The following DYRK1A variants were observed in gnomAD, a reference collection of about 807,000 sequenced individuals.
DYRK1A encodes dual specificity tyrosine-phosphorylation-regulated kinase 1A.
DYRK1A carries 9 observed loss-of-function variants against 79.7 expected under a neutral mutation model. The ratio of observed to expected loss-of-function variants is 0.11; its 90% CI spans 0.07 to 0.20. The LOEUF is 0.20. Ranked by LOEUF, DYRK1A falls within the 10% of genes least tolerant of loss-of-function variation. DYRK1A has a pLI of 1.00. For missense variants in DYRK1A, 622 were observed against 956.0 expected (o/e 0.65, Z 4.61); for synonymous variants, 349 against 329.7 (o/e 1.06, Z -0.63).
chr21:37,376,021 AACAGAATG>A (rs1477232347), intron 1 of DYRK1A, among the ~76,000 whole-genome samples: 3 of 151,976 alleles, frequency 2.0e-5, no homozygotes, highest in Non-Finnish European at 4.4e-5. Flanking sequence ...GGAGATGAAG[AACAGAATG>A]ACAGAATGGC....
rs200246405 is a variant in DYRK1A, at chr21:37,480,667, C to T, written c.330C>T (p.His110=). ...EVYYAKKKRR[H]QQGQGDDSSH... is the part of the protein sequence containing the mutation. ...ACTATGCAAAAAAGAAGCGAAGACA[C>T]CAACAGGGCCAGGGAGACGATTCTA... is the stretch of plus-strand genomic sequence containing the variant. The change falls in exon 5 of 12, where the codon CAC becomes CAT. Residue 110 remains histidine (H), a synonymous_variant. Coordinates refer to ENST00000647188, the MANE Select transcript of DYRK1A (RefSeq NM_001347721.2). 24 of 1,596,864 alleles carry T rather than the reference C, an allele frequency of 1.5e-5. No homozygotes were observed. In the East Asian group the frequency reaches 4.0e-4, roughly 27 times the overall value.
chr21:37,387,667 A>G (rs2049786868), intron 1 of DYRK1A, among the ~76,000 whole-genome samples: 2 of 152,126 alleles, frequency 1.3e-5, no homozygotes, highest in Admixed American at 6.6e-5. Flanking sequence ...CTTTCTGGCC[A>G]TTATCGTTTC....
chr21:37,501,165 G>GTTTTTTTTTTTTT (rs2053433220), intron 9 of DYRK1A, among the ~76,000 whole-genome samples: 1 of 112,970 alleles, frequency 8.9e-6, no homozygotes, highest in African/African-American at 3.8e-5. Context: ...TGTTGTTGTT[G>GTTTTTTTTTTTTT]GTTTTTTTTT....
Position 37,517,519 on chromosome 21 carries a change from T to A in DYRK1A, c.*4988T>A, listed in dbSNP as rs796841664. The A allele has an allele frequency of 6.6e-5, 10 of 152,332 alleles. No homozygotes were observed. The highest frequency in any genetic ancestry group is 2.4e-4 in the African/African-American group (10 of 41,554). The allele number at this position is 152,332 out of a possible 1,614,324, so 9.4% of individuals were successfully genotyped here. ...TTATATACTCATTCATTAGTCAGTG[T>A]ACTTGCCCCTGAATTCCATATCTGA... On this transcript the variant is annotated 3_prime_UTR_variant, in exon 12 of 12. Coordinates refer to ENST00000647188, the MANE Select transcript of DYRK1A (RefSeq NM_001347721.2).
Position 37,517,449 on chromosome 21 carries a change from T to A in DYRK1A, c.*4918T>A, listed in dbSNP as rs2053892477. 1 of 152,236 alleles carries A rather than the reference T, an allele frequency of 6.6e-6. No individual in the cohort carries two copies. 9.4% of individuals were successfully genotyped at this position (152,236 alleles called of 1,614,324 possible). ...TTCCCGATTAAATTTCTAAAATTGCTACTTTGGGAATTTTTTTCTTTATTC... is the reference window on the plus strand; with the variant it reads ...TTCCCGATTAAATTTCTAAAATTGCAACTTTGGGAATTTTTTTCTTTATTC... On this transcript the variant is annotated 3_prime_UTR_variant, in exon 12 of 12. Transcript: ENST00000647188.
chr21:37,423,385 C>G (rs1202291552), intron 2 of DYRK1A, among the ~76,000 whole-genome samples: 1 of 152,086 alleles, frequency 6.6e-6, no homozygotes, highest in Non-Finnish European at 1.5e-5. Context: ...TTTGGGGAAC[C>G]TAGCAACCAC....
intron 2 of DYRK1A, among the ~76,000 whole-genome samples, chr21:37,427,595 G>GTT (rs1368935554): frequency 6.6e-6 from 1 of 152,086 alleles, no homozygotes; most frequent in Non-Finnish European, 1.5e-5. Context: ...CTATTATCGT[G>GTT]TTTTTTGTTT....
At chr21:37,382,935 T>G (rs1030396449) in intron 1 of DYRK1A, among the ~76,000 whole-genome samples, 4 of 152,218 alleles carry the variant, frequency 2.6e-5, no homozygotes, top group Admixed American at 6.5e-5. Context: ...CTTGTGTTAT[T>G]GGTTCATTAG....
In DYRK1A at chr21:37,512,371, A is replaced by G; in HGVS notation, c.2105A>G (p.Glu702Gly). The G allele has an allele frequency of 6.2e-7, 1 of 1,614,214 alleles. No individual in the cohort carries two copies. Among genetic ancestry groups the G allele is most frequent in the Non-Finnish European group, 8.5e-7 (1 of 1,180,034 alleles). ...NLTVYSNPRQ[E>G]TGIAGHPTYQ... ...ACCGTCTACTCCAATCCCCGCCAAG[A>G]GACTGGCATAGCTGGACATCCAACA... The change falls in exon 12 of 12, where the codon GAG becomes GGG. Residue 702 changes from glutamate to glycine, a missense_variant. By Grantham distance (98) the Glu-to-Gly change is moderately conservative. Around this residue, in one of 5 missense-constraint regions of DYRK1A, gnomAD observed 292 missense variants for 316.7 expected, o/e 0.92. Transcript: ENST00000647188.
At chr21:37,401,529 C>T (rs1247640615) in intron 1 of DYRK1A, among the ~76,000 whole-genome samples, 1 of 147,748 alleles carries the variant, frequency 6.8e-6, no homozygotes, top group Non-Finnish European at 1.5e-5. Context: ...GTTGCCCAGG[C>T]TGGAGTGCAA....
intron 9 of DYRK1A, among the ~76,000 whole-genome samples, chr21:37,496,742 A>C (rs1228920335): frequency 6.6e-6 from 1 of 152,160 alleles, no homozygotes; most frequent in Non-Finnish European, 1.5e-5. Context: ...AACTGACTAG[A>C]TGGTCCTTTG....
chr21:37,417,529 C>CTTTTTCTTTTTTTTTTTTTT (rs1555959239), intron 1 of DYRK1A, among the ~76,000 whole-genome samples: 3 of 44,046 alleles, frequency 6.8e-5, no homozygotes, highest in Admixed American at 3.2e-4. Context: ...TTTTCTTTTT[C>CTTTTTCTTTTTTTTTTTTTT]TTTTTTTTTT....
At position 37,511,905 on chromosome 21, in the gene DYRK1A, T is replaced by G; in HGVS notation, c.1645-6T>G. On this transcript the variant is annotated splice_region_variant and splice_polypyrimidine_tract_variant and intron_variant, in intron 11 of 11. Transcript: ENST00000647188. ...GAAAAATCCTTTTAAAAATCTGTTC[T>G]TTCAGGTGCGTCAGCAATTTCCTGC... is the stretch of plus-strand genomic sequence containing the variant. 1.2e-6 allele frequency: 2 copies of G among 1,608,448 alleles called. No homozygotes were observed. Among genetic ancestry groups the G allele is most frequent in the Non-Finnish European group, 1.7e-6 (2 of 1,175,602 alleles).
intron 1 of DYRK1A, among the ~76,000 whole-genome samples, chr21:37,416,181 T>C (rs1270325256): frequency 6.6e-6 from 1 of 152,156 alleles, no homozygotes; most frequent in African/African-American, 2.4e-5. Context: ...AGGTCAAATG[T>C]GTCAACGTCT....
chr21:37,416,976 TTCATCTGCTACTTGTA>T lies in DYRK1A; in HGVS notation c.-76-3322_-76-3307del, dbSNP rs1381114759. ...GCTCCTTGTATCATACTGATTTTTTTTCATCTGCTACTTGTAATACTTCATACTACTTTAGTTATTT... is the reference window on the plus strand; with the variant it reads ...GCTCCTTGTATCATACTGATTTTTTTATACTTCATACTACTTTAGTTATTT... On this transcript the variant is annotated intron_variant, in intron 1 of 11. Coordinates refer to ENST00000647188, the MANE Select transcript of DYRK1A (RefSeq NM_001347721.2). Among the ~76,000 whole-genome samples, 8 of 152,350 alleles carry T rather than the reference TTCATCTGCTACTTGTA, an allele frequency of 5.3e-5. No individual in the cohort carries two copies. In the East Asian group the frequency reaches 1.3e-3, roughly 26 times the overall value.
chr21:37,481,963 T>A (rs543484578), intron 5 of DYRK1A, among the ~76,000 whole-genome samples: 1 of 152,354 alleles, frequency 6.6e-6, no homozygotes, highest in African/African-American at 2.4e-5. Flanking sequence ...TGTGATTTGC[T>A]GATAATCCCA....
At chr21:37,451,632 C>T (rs928059287) in intron 2 of DYRK1A, among the ~76,000 whole-genome samples, 6 of 149,984 alleles carry the variant, frequency 4.0e-5, no homozygotes, top group African/African-American at 7.4e-5. Flanking sequence ...CACCGTCTAG[C>T]GTGGGCGTGC....
At chr21:37,384,495 C>CTTAA (rs2148375575) in intron 1 of DYRK1A, among the ~76,000 whole-genome samples, 1 of 152,246 alleles carries the variant, frequency 6.6e-6, no homozygotes, top group Non-Finnish European at 1.5e-5. Flanking sequence ...CTGAAAAAAG[C>CTTAA]TTAAAAGCAA....
At chr21:37,378,577 T>C (rs1162930857) in intron 1 of DYRK1A, among the ~76,000 whole-genome samples, 2 of 152,188 alleles carry the variant, frequency 1.3e-5, no homozygotes, top group Non-Finnish European at 2.9e-5. Flanking sequence ...TTTATTTCGT[T>C]ACTCTGTTGA....
Sources: gnomAD v4.1 joint callset for allele counts (sites outside exome capture counted in the v4.1 genomes callset) on GRCh38, gnomAD v4.1.1 for gene constraint, gnomAD v4.1.1 regional missense constraint, MANE v1.5 for transcripts, NCBI Gene and HGNC (gene_info 2026-07-23, HGNC 2026-07-21) for gene names.